The following KCND2 variants were observed in gnomAD, a reference collection of about 807,000 sequenced individuals.
KCND2 encodes A-type voltage-gated potassium channel KCND2.
A neutral mutation model predicts 54.4 loss-of-function variants in KCND2; 16 were observed. That is an observed-to-expected ratio of 0.29 (90% confidence interval 0.20 to 0.45). The LOEUF (loss-of-function observed/expected upper bound fraction) is 0.45. KCND2 is among the 20% of genes least tolerant of loss of function. The pLI, the probability that KCND2 is intolerant of heterozygous loss-of-function variation, is 1.00. For synonymous variants in KCND2, 317 were observed against 310.7 expected (o/e 1.02, Z -0.21); for missense variants, 486 against 824.2 (o/e 0.59, Z 5.02).
At chr7:120,678,009 G>A (rs962494870) in intron 1 of KCND2, among the ~76,000 whole-genome samples, 40 of 151,952 alleles carry the variant, frequency 2.6e-4, no homozygotes, top group African/African-American at 9.2e-4. Context: ...TCATTAATTT[G>A]TGGGCCAATT....
At chr7:120,687,292 A>C (rs1489061988) in intron 1 of KCND2, among the ~76,000 whole-genome samples, 1 of 152,114 alleles carries the variant, frequency 6.6e-6, no homozygotes, top group Non-Finnish European at 1.5e-5. Context: ...AGAAATAGGA[A>C]GTCGATCTTC....
chr7:120,648,544 T>C (rs541853703), intron 1 of KCND2, among the ~76,000 whole-genome samples: 29 of 152,232 alleles, frequency 1.9e-4, no homozygotes, highest in African/African-American at 6.5e-4. Context: ...AAGGAGTAGA[T>C]GAGGCAAAAC....
intron 1 of KCND2, among the ~76,000 whole-genome samples, chr7:120,538,792 C>A (rs1294003973): frequency 6.6e-6 from 1 of 152,170 alleles, no homozygotes. Context: ...GGGCTTTACC[C>A]TGACTGATGC....
intron 1 of KCND2, among the ~76,000 whole-genome samples, chr7:120,276,461 A>T (rs1344867475): frequency 6.6e-6 from 1 of 151,184 alleles, no homozygotes; most frequent in Non-Finnish European, 1.5e-5. Context: ...TCATCCACAC[A>T]TTTTTTTTTA....
At chr7:120,684,071 A>T (rs1792171937) in intron 1 of KCND2, among the ~76,000 whole-genome samples, 1 of 152,108 alleles carries the variant, frequency 6.6e-6, no homozygotes, top group Admixed American at 6.6e-5. Flanking sequence ...AATAGTTGTA[A>T]TAAGAAAATG....
At chr7:120,530,283 C>T (rs1791826899) in intron 1 of KCND2, among the ~76,000 whole-genome samples, 1 of 152,004 alleles carries the variant, frequency 6.6e-6, no homozygotes, top group Admixed American at 6.6e-5. Flanking sequence ...TCATGTAACT[C>T]ATAAATATAT....
intron 1 of KCND2, among the ~76,000 whole-genome samples, chr7:120,503,960 C>T (rs370616128): frequency 2.6e-4 from 39 of 151,924 alleles, no homozygotes; most frequent in African/African-American, 9.2e-4. Context: ...TCTTTTGCTC[C>T]TTTCTTGTAT....
intron 1 of KCND2, among the ~76,000 whole-genome samples, chr7:120,511,083 A>G (rs1803107732): frequency 6.6e-6 from 1 of 150,678 alleles, no homozygotes; most frequent in South Asian, 2.1e-4. Context: ...CTGACTCCTT[A>G]CCAGCCACCC....
intron 1 of KCND2, among the ~76,000 whole-genome samples, chr7:120,330,237 GA>G (rs933232651): frequency 3.3e-5 from 5 of 151,746 alleles, no homozygotes; most frequent in East Asian, 3.9e-4. Flanking sequence ...ACGTAGTGAG[GA>G]AAAAAAATGA....
At chr7:120,494,302 T>A (rs1163051968) in intron 1 of KCND2, among the ~76,000 whole-genome samples, 2 of 152,110 alleles carry the variant, frequency 1.3e-5, no homozygotes, top group Non-Finnish European at 2.9e-5. Flanking sequence ...TACACTTTAG[T>A]ATGCACTGCA....
rs58668446 is a variant in KCND2 at position 120,714,856 on chromosome 7, G to GTATA, written c.1116-18034_1116-18031dup. 2.7e-3 allele frequency among the ~76,000 whole-genome samples: 409 copies of GTATA among 149,192 alleles called. 4 individuals are homozygous for GTATA. Among genetic ancestry groups the GTATA allele is most frequent in the African/African-American group, 7.6e-3 (309 of 40,782 alleles). ...CTAATCTGAAATTTAGTTGTATCGG[G>GTATA]TATATATATATATATAATACCCACA... On this transcript the variant is annotated intron_variant, in intron 1 of 5. Coordinates refer to ENST00000331113, the MANE Select transcript of KCND2 (RefSeq NM_012281.3).
At chr7:120,654,335 T>C (rs1438622834) in intron 1 of KCND2, among the ~76,000 whole-genome samples, 1 of 152,220 alleles carries the variant, frequency 6.6e-6, no homozygotes, top group African/African-American at 2.4e-5. Flanking sequence ...TAAAACAGTT[T>C]GTGAATATGA....
intron 1 of KCND2, among the ~76,000 whole-genome samples, chr7:120,282,354 T>C (rs1799278837): frequency 6.6e-6 from 1 of 152,170 alleles, no homozygotes; most frequent in Non-Finnish European, 1.5e-5. Context: ...ATATTGTCTG[T>C]AAATGACATA....
intron 1 of KCND2, among the ~76,000 whole-genome samples, chr7:120,625,222 C>G (rs1584859107): frequency 6.6e-6 from 1 of 152,086 alleles, no homozygotes; most frequent in East Asian, 1.9e-4. Flanking sequence ...AGTAGAGTAA[C>G]TAATTGGCAG....
At chr7:120,388,600 CTT>C (rs1212033413) in intron 1 of KCND2, among the ~76,000 whole-genome samples, 1 of 151,864 alleles carries the variant, frequency 6.6e-6, no homozygotes, top group African/African-American at 2.4e-5. Context: ...AGTTGGAAAA[CTT>C]TAAATCCATG....
intron 1 of KCND2, among the ~76,000 whole-genome samples, chr7:120,429,900 A>G (rs947284726): frequency 3.3e-5 from 5 of 152,208 alleles, no homozygotes; most frequent in African/African-American, 1.2e-4. Flanking sequence ...AAATAAGTCA[A>G]TATTTGGAAG....
At chr7:120,617,383 G>A (rs893938093) in intron 1 of KCND2, among the ~76,000 whole-genome samples, 7 of 152,180 alleles carry the variant, frequency 4.6e-5, no homozygotes, top group Middle Eastern at 3.4e-3. Flanking sequence ...GCAAGCATAC[G>A]AAAAAGATGC....
At chr7:120,349,236 A>G (rs1384165654) in intron 1 of KCND2, among the ~76,000 whole-genome samples, 1 of 152,016 alleles carries the variant, frequency 6.6e-6, no homozygotes, top group Non-Finnish European at 1.5e-5. Flanking sequence ...GATTAGATGG[A>G]CATCTGAAGT....
chr7:120,420,650 C>G (rs2116132963), intron 1 of KCND2, among the ~76,000 whole-genome samples: 1 of 152,180 alleles, frequency 6.6e-6, no homozygotes, highest in East Asian at 1.9e-4. Flanking sequence ...GGAATCTGCT[C>G]AATCTGCAAG....
Sources: gnomAD v4.1 joint callset for allele counts (sites outside exome capture counted in the v4.1 genomes callset) on GRCh38, gnomAD v4.1.1 for gene constraint, MANE v1.5 for transcripts, NCBI Gene and HGNC (gene_info 2026-07-23, HGNC 2026-07-21) for gene names.